SPDL1: variants seen among roughly 807,000 people sequenced by gnomAD.
SPDL1 encodes the protein spindle apparatus coiled-coil protein 1.
SPDL1 carries 85 observed loss-of-function variants against 79.5 expected under a neutral mutation model. That is an observed-to-expected ratio of 1.07 (90% confidence interval 0.90 to 1.28). The LOEUF (loss-of-function observed/expected upper bound fraction) is 1.28, where lower values mean the gene tolerates loss of function less well. Ranked by LOEUF, SPDL1 falls within the 50% of genes most tolerant of loss-of-function variation. SPDL1 has a pLI of 0.00. For synonymous variants in SPDL1, 269 were observed against 240.3 expected, an observed-to-expected ratio of 1.12 and a Z score of -1.10; for missense variants, 703 against 697.8, an observed-to-expected ratio of 1.01 and a Z score of -0.08.
intron 10 of SPDL1, 105 bp from the exon 11 acceptor site, chr5:169,601,174 TA>T (rs1755854218): frequency 5.1e-6 from 5 of 973,510 alleles, no homozygotes; most frequent in Non-Finnish European, 7.5e-6. Flanking sequence ...GGTTGCATTT[TA>T]AAAGAATGGA....
chr5:169,595,985 T>C (rs1755559995), intron 7 of SPDL1: 1 of 152,376 alleles, frequency 6.6e-6, no homozygotes, highest in African/African-American at 2.4e-5. Context: ...AATTTCCCTC[T>C]GGTAGCTTCA....
chr5:169,599,559 G>A (rs896941787), intron 10 of SPDL1, among the ~76,000 whole-genome samples: 1 of 152,176 alleles, frequency 6.6e-6, no homozygotes, highest in South Asian at 2.1e-4. Flanking sequence ...AAAAAGGTGG[G>A]TCTTTATCTC....
At chr5:169,589,744 C>T (rs1202456973) in intron 2 of SPDL1, among the ~76,000 whole-genome samples, 1 of 151,588 alleles carries the variant, frequency 6.6e-6, no homozygotes, top group Non-Finnish European at 1.5e-5. Flanking sequence ...CTCTGTCGCC[C>T]AGGCTGGAGT....
At chr5:169,592,737 A>C (rs1172100818) in intron 3 of SPDL1, among the ~76,000 whole-genome samples, 2 of 150,556 alleles carry the variant, frequency 1.3e-5, no homozygotes, top group Non-Finnish European at 2.9e-5. Context: ...AATAGTTTTC[A>C]TCACCTAAAC....
chr5:169,586,908 T>C (rs1247245387), intron 1 of SPDL1, among the ~76,000 whole-genome samples: 2 of 152,322 alleles, frequency 1.3e-5, no homozygotes, highest in East Asian at 3.9e-4. Flanking sequence ...ACTTCCCATG[T>C]CACCCAAAGT....
intron 4 of SPDL1, 62 bp downstream of exon 4, chr5:169,593,610 T>C (rs1044146217): frequency 4.1e-6 from 6 of 1,465,414 alleles, no homozygotes; most frequent in Non-Finnish European, 5.5e-6. Context: ...TATTTTTACA[T>C]GTTTTGGTAA....
In SPDL1 at chr5:169,593,465, G is replaced by A. The variant is rs141168696; in HGVS notation, c.448G>A (p.Val150Ile). 112 of 1,613,964 alleles carry A rather than the reference G, an allele frequency of 6.9e-5. 1 individual carries two copies. Among genetic ancestry groups the A allele is most frequent in the African/African-American group, 3.9e-4 (29 of 74,904 alleles). ...LLSCKSEELR[V>I]MSERVQESMS... ...CTCTTGTAAATCAGAGGAACTGCGC[G>A]TAATGTCTGAACGTGTGCAGGAAAG... Residue 150 changes from valine to isoleucine, a missense_variant, in exon 4 of 12, where the codon GTA becomes ATA. Coordinates refer to ENST00000265295, the MANE Select transcript of SPDL1 (RefSeq NM_017785.5).
rs78480498 is a variant in SPDL1, at chr5:169,601,312, C to T, written c.1357C>T (p.Arg453Cys). The T allele has an allele frequency of 3.1e-6, 5 of 1,612,856 alleles. No individual in the cohort carries two copies. The highest frequency in any genetic ancestry group is 1.6e-4 in the Middle Eastern group (1 of 6,080). ...TVEVPVLKKRREVLPVDITTA... is the reference protein window; with the variant it reads ...TVEVPVLKKRCEVLPVDITTA... ...TGAAGTGCCTGTACTGAAAAAGAGG[C>T]GTGAGGTGCTCCCTGTGGATATAAC... Residue 453 changes from arginine to cysteine, a missense_variant, in exon 11 of 12, where the codon CGT becomes TGT. Transcript: ENST00000265295.
chr5:169,590,801 C>G (rs1561868560), intron 2 of SPDL1: 2 of 535,216 alleles, frequency 3.7e-6, no homozygotes, highest in Non-Finnish European at 7.2e-6. Flanking sequence ...GCACATTTTA[C>G]TTCCTTGACA....
rs1469458068 is a variant in SPDL1 at position 169,593,394 on chromosome 5, G to C, written c.377G>C (p.Ser126Thr). Residue 126 changes from serine to threonine, a missense_variant, in exon 4 of 12, where the codon AGT becomes ACT. Ser to Thr is a moderately conservative substitution (Grantham distance 58). Coordinates refer to ENST00000265295, the MANE Select transcript of SPDL1 (RefSeq NM_017785.5). ...GTGGAATTAGATGAAGCCAGGCTTA[G>C]TGAAAAGCAGCTGAAGCACCAAGTA... ...LKVELDEARL[S>T]EKQLKHQVDH... 1.2e-6 allele frequency: 2 copies of C among 1,611,174 alleles called. No individual in the cohort carries two copies. The highest frequency in any genetic ancestry group is 1.3e-5 in the African/African-American group (1 of 74,706).
At position 169,583,875 on chromosome 5, in the gene SPDL1, G is replaced by GT. The variant is rs1418950227; in HGVS notation, c.-38_-37insT. On this transcript the variant is annotated 5_prime_UTR_variant, in exon 1 of 12. Coordinates refer to ENST00000265295, the MANE Select transcript of SPDL1 (RefSeq NM_017785.5). ...AGGAGCCGCTGGCTGCGGCAGCAGG[G>GT]GACTAGCGTGAGAGGTAGGGGCAAG... 13 of 152,492 alleles carry GT rather than the reference G, an allele frequency of 8.5e-5. No individual in the cohort carries two copies. Among genetic ancestry groups the GT allele is most frequent in the Non-Finnish European group, 1.5e-4 (10 of 68,214 alleles). 9.4% of individuals were successfully genotyped at this position (152,492 alleles called of 1,614,324 possible). A position where few individuals can be genotyped will look rare whatever the true frequency, so the allele number is the denominator to read the frequency against.
At chr5:169,599,266 G>T in intron 10 of SPDL1, 107 bp downstream of exon 10, 1 of 974,618 alleles carries the variant, frequency 1.0e-6, no homozygotes, top group Non-Finnish European at 1.4e-6. Context: ...AAACTCATTT[G>T]TAGTTATATA....
chr5:169,584,934 C>T (rs1481975639), intron 1 of SPDL1, among the ~76,000 whole-genome samples: 1 of 150,778 alleles, frequency 6.6e-6, no homozygotes, highest in Admixed American at 6.6e-5. Context: ...GGCGTGAACC[C>T]GGGAAGCGGA....
At chr5:169,599,258 AC>A in intron 10 of SPDL1, 99 bp downstream of exon 10, 1 of 1,032,850 alleles carries the variant, frequency 9.7e-7, no homozygotes, top group Non-Finnish European at 1.3e-6. Flanking sequence ...TCTATTACAA[AC>A]TCATTTGTAG....
rs192987274 is a variant in SPDL1 at position 169,589,317 on chromosome 5, A to G, written c.159+742A>G. Among the ~76,000 whole-genome samples, 14 of 152,264 alleles carry G rather than the reference A, an allele frequency of 9.2e-5. No homozygotes were observed. In the East Asian group the frequency reaches 2.3e-3, roughly 25 times the overall value. On this transcript the variant is annotated intron_variant, in intron 2 of 11. Transcript: ENST00000265295. Reference sequence around the variant, plus strand: ...TGCTTCCATTGTTGCCATTCATGCCATTCATTCTTCACTCAGCGTCTAAGT... The same window carrying G: ...TGCTTCCATTGTTGCCATTCATGCCGTTCATTCTTCACTCAGCGTCTAAGT...
At chr5:169,601,717 T>C in intron 11 of SPDL1, 92 bp downstream of exon 11, 1 of 1,134,434 alleles carries the variant, frequency 8.8e-7, no homozygotes, top group Non-Finnish European at 1.3e-6. Context: ...CTTTATCTAC[T>C]TTCTTACAAT....
chr5:169,599,784 G>T (rs533522947), intron 10 of SPDL1, among the ~76,000 whole-genome samples: 194 of 152,252 alleles, frequency 1.3e-3, no homozygotes, highest in African/African-American at 4.6e-3. Flanking sequence ...TTTTATTAAG[G>T]AAGAACAGTG....
chr5:169,594,744 A>G (rs565756894), intron 7 of SPDL1, 63 bp downstream of exon 7: 83 of 1,075,054 alleles, frequency 7.7e-5, no homozygotes, highest in Non-Finnish European at 1.1e-4. Context: ...ACATGTATGA[A>G]TACATCAAAG....
chr5:169,590,316 A>G (rs1055976486), intron 2 of SPDL1, among the ~76,000 whole-genome samples: 5 of 152,242 alleles, frequency 3.3e-5, no homozygotes, highest in African/African-American at 1.2e-4. Flanking sequence ...AAGATTACAA[A>G]TATCACTAAT....
Sources: gnomAD v4.1 joint callset for allele counts (sites outside exome capture counted in the v4.1 genomes callset) on GRCh38, gnomAD v4.1.1 for gene constraint, MANE v1.5 for transcripts, NCBI Gene and HGNC (gene_info 2026-07-23, HGNC 2026-07-21) for gene names.